Variants in SKAP2 observed in about 807,000 individuals in gnomAD.
SKAP2 encodes the protein src kinase-associated phosphoprotein 2.
SKAP2 carries 28 observed loss-of-function variants against 54.9 expected under a neutral mutation model. The observed-to-expected ratio is 0.51, with a 90% CI of 0.38 to 0.70. The LOEUF is 0.70. Ranked by LOEUF, SKAP2 falls within the 30% of genes least tolerant of loss-of-function variation. The pLI, the probability that SKAP2 is intolerant of heterozygous loss-of-function variation, is 0.00. For synonymous variants in SKAP2, 137 were observed against 134.3 expected (o/e 1.02, Z -0.14); for missense variants, 356 against 424.1 (o/e 0.84, Z 1.41).
intron 4 of SKAP2, among the ~76,000 whole-genome samples, chr7:26,753,498 C>T (rs1290328114): frequency 6.6e-6 from 1 of 152,136 alleles, no homozygotes; most frequent in Non-Finnish European, 1.5e-5. Flanking sequence ...GTTCTGCAAT[C>T]AGTACACACT....
intron 4 of SKAP2, among the ~76,000 whole-genome samples, chr7:26,804,256 C>A (rs540778529): frequency 6.6e-6 from 1 of 151,902 alleles, no homozygotes; most frequent in Admixed American, 6.6e-5. Context: ...TATATACCCA[C>A]AAAATTTTTT....
At chr7:26,666,163 A>G (rs1384150740), downstream of SKAP2, among the ~76,000 whole-genome samples, 1 of 152,072 alleles carries the variant, frequency 6.6e-6, no homozygotes, top group African/African-American at 2.4e-5. Flanking sequence ...AGTGATCTCT[A>G]TATGGTGTGT....
chr7:26,857,335 ACT>A (rs1785191100), intron 1 of SKAP2: 20 of 183,594 alleles, frequency 1.1e-4, no homozygotes, highest in Admixed American at 1.6e-4. Context: ...AAAAAAAAAA[ACT>A]TTAAACTGGA....
chr7:26,730,913 C>T (rs190364289), intron 6 of SKAP2, among the ~76,000 whole-genome samples: 1 of 152,274 alleles, frequency 6.6e-6, no homozygotes, highest in African/African-American at 2.4e-5. Flanking sequence ...TGAGCTTCTA[C>T]ATGTCAAGAA....
intron 9 of SKAP2, among the ~76,000 whole-genome samples, chr7:26,698,232 A>G (rs185831743): frequency 1.3e-5 from 2 of 152,338 alleles, no homozygotes; most frequent in East Asian, 3.9e-4. Flanking sequence ...CAAGAGCCCA[A>G]GAAAGAAAAA....
chr7:26,712,973 A>G (rs1451227133), intron 9 of SKAP2, among the ~76,000 whole-genome samples: 2 of 152,232 alleles, frequency 1.3e-5, no homozygotes, highest in East Asian at 1.9e-4. Flanking sequence ...CAGCCTCACT[A>G]AAGTAATTCA....
intron 9 of SKAP2, among the ~76,000 whole-genome samples, chr7:26,722,385 ATT>A (rs35643377): frequency 1.0e-3 from 93 of 89,048 alleles, no homozygotes; most frequent in Admixed American, 3.9e-3. Flanking sequence ...ATGCAATGCA[ATT>A]TTTTTTTTTT....
chr7:26,790,582 T>C (rs3801843), intron 4 of SKAP2, among the ~76,000 whole-genome samples: 32,624 of 152,158 alleles, frequency 0.21, 3,584 homozygotes, highest in Non-Finnish European at 0.24. Context: ...TTGGTACAAC[T>C]TTCTACCTCA....
At chr7:26,771,153 G>A (rs979255644) in intron 4 of SKAP2, among the ~76,000 whole-genome samples, 4 of 152,180 alleles carry the variant, frequency 2.6e-5, no homozygotes, top group Non-Finnish European at 5.9e-5. Flanking sequence ...TATTGTTCCT[G>A]TGAGATAAGT....
chr7:26,687,413 C>T (rs777166343), intron 10 of SKAP2, among the ~76,000 whole-genome samples: 2 of 151,712 alleles, frequency 1.3e-5, no homozygotes, highest in Non-Finnish European at 1.5e-5. Flanking sequence ...TTTTGTGTCC[C>T]GTATGAGAGC....
chr7:26,775,884 T>C (rs1262124549), intron 4 of SKAP2, among the ~76,000 whole-genome samples: 1 of 152,212 alleles, frequency 6.6e-6, no homozygotes, highest in East Asian at 1.9e-4. Flanking sequence ...TTTTTATTGT[T>C]GACTGGTATT....
chr7:26,747,397 A>G (rs1274854383), intron 4 of SKAP2, among the ~76,000 whole-genome samples: 1 of 152,176 alleles, frequency 6.6e-6, no homozygotes. Context: ...ATAGCAGCCT[A>G]TGTGACTACA....
At chr7:26,706,457 T>C (rs1399768846) in intron 9 of SKAP2, among the ~76,000 whole-genome samples, 1 of 152,194 alleles carries the variant, frequency 6.6e-6, no homozygotes, top group Admixed American at 6.5e-5. Flanking sequence ...GTAAAATCTA[T>C]ATCCTACTGC....
chr7:26,672,982 G>A (rs1456292792), intron 11 of SKAP2, among the ~76,000 whole-genome samples: 1 of 151,948 alleles, frequency 6.6e-6, no homozygotes, highest in East Asian at 1.9e-4. Flanking sequence ...GATTATGAAT[G>A]ATATATTACT....
chr7:26,829,317 G>A (rs941617788), intron 4 of SKAP2, among the ~76,000 whole-genome samples: 1 of 152,134 alleles, frequency 6.6e-6, no homozygotes, highest in African/African-American at 2.4e-5. Context: ...AGGATCGCTT[G>A]AGCCCAGGAG....
intron 4 of SKAP2, among the ~76,000 whole-genome samples, chr7:26,810,925 G>A (rs1487276258): frequency 2.6e-5 from 4 of 151,876 alleles, no homozygotes; most frequent in Non-Finnish European, 5.9e-5. Flanking sequence ...CATGATCCGC[G>A]CACCTCGGCC....
At chr7:26,800,329 T>C (rs1783886414) in intron 4 of SKAP2, among the ~76,000 whole-genome samples, 1 of 151,906 alleles carries the variant, frequency 6.6e-6, no homozygotes. Flanking sequence ...CAAATGATAA[T>C]GAAAACAGAA....
intron 1 of SKAP2, 122 bp downstream of exon 1, chr7:26,864,240 TG>T: frequency 8.5e-7 from 1 of 1,179,268 alleles, no homozygotes; most frequent in Non-Finnish European, 1.2e-6. Flanking sequence ...CCGACCCCAC[TG>T]GCTAGAAGAC....
chr7:26,743,662 G>A (rs138395022), intron 4 of SKAP2, among the ~76,000 whole-genome samples: 40 of 152,152 alleles, frequency 2.6e-4, no homozygotes, highest in African/African-American at 8.9e-4. Context: ...AAATGAGTAC[G>A]TATTTCTTAT....
Sources: allele counts gnomAD v4.1 joint callset (sites outside exome capture counted in the v4.1 genomes callset), GRCh38; gene constraint gnomAD v4.1.1; transcripts MANE v1.5; gene names NCBI Gene and HGNC (gene_info 2026-07-23, HGNC 2026-07-21).